The following GSR variants were observed in gnomAD, a reference collection of about 807,000 sequenced individuals.
The protein encoded by GSR is glutathione-disulfide reductase.
A neutral mutation model predicts 56.5 loss-of-function variants in GSR; 48 were observed. The ratio of observed to expected loss-of-function variants is 0.85; its 90% confidence interval spans 0.67 to 1.08. The LOEUF (loss-of-function observed/expected upper bound fraction) is 1.08. GSR is among the 50% of genes least tolerant of loss of function. GSR has a pLI of 0.00. For missense variants in GSR, 694 were observed against 703.3 expected, an observed-to-expected ratio of 0.99 and a Z score of 0.15; for synonymous variants, 264 against 270.8, an observed-to-expected ratio of 0.97 and a Z score of 0.25.
intron 8 of GSR, among the ~76,000 whole-genome samples, chr8:30,690,202 G>T (rs1275567196): frequency 1.3e-5 from 2 of 149,966 alleles, no homozygotes; most frequent in African/African-American, 4.9e-5. Flanking sequence ...TTAAGAGACA[G>T]GGTCTTGCTC....
chr8:30,708,057 A>T lies in GSR; in HGVS notation c.492+15T>A. ...GAACAGCTCTTTCTCAAAGTTAAAA[A>T]CCCAGCATACACACCTTGGTGAGAT... On this transcript the variant is annotated intron_variant, in intron 4 of 12. Coordinates refer to ENST00000221130, the MANE Select transcript of GSR (RefSeq NM_000637.5). The T allele has an allele frequency of 6.3e-7, 1 of 1,592,914 alleles. No individual in the cohort carries two copies. Among genetic ancestry groups the T allele is most frequent in the Admixed American group, 1.7e-5 (1 of 59,960 alleles).
At chr8:30,694,591 C>T (rs963440486) in intron 7 of GSR, among the ~76,000 whole-genome samples, 2 of 151,740 alleles carry the variant, frequency 1.3e-5, no homozygotes, top group African/African-American at 4.8e-5. Flanking sequence ...GCCAGGAGTT[C>T]GAGACCAGCC....
chr8:30,679,336 G>T lies in GSR; in HGVS notation c.*184C>A. The T allele has an allele frequency of 1.6e-6, 1 of 635,120 alleles. No homozygotes were observed. The allele number at this position is 635,120 out of a possible 1,614,324, so 39.3% of individuals were successfully genotyped here. A position where few individuals can be genotyped will look rare whatever the true frequency, so the allele number is the denominator to read the frequency against. On this transcript the variant is annotated 3_prime_UTR_variant, in exon 13 of 13. Transcript: ENST00000221130. The stretch of plus-strand genomic sequence containing the variant: ...ATGTGATCAAATGAAAATCAATCCT[G>T]GATAACACTACAAATTTCTAACTCC...
At chr8:30,696,253 C>T in intron 7 of GSR, 127 bp downstream of exon 7, 2 of 762,514 alleles carry the variant, frequency 2.6e-6, no homozygotes, top group East Asian at 2.5e-5. Context: ...GATACAGCAC[C>T]ATATGAAACC....
intron 7 of GSR, 84 bp from the exon 8 acceptor site, chr8:30,693,139 G>C: frequency 1.2e-6 from 1 of 806,594 alleles, no homozygotes; most frequent in Non-Finnish European, 2.2e-6. Context: ...GGAAACTTCA[G>C]CATTATCTCT....
rs1368010155 is a variant in GSR, at chr8:30,679,558, G to A, written c.1531C>T (p.His511Tyr). 6.2e-7 allele frequency: 1 copy of A among 1,614,098 alleles called. No homozygotes were observed. Among genetic ancestry groups the A allele is most frequent in the Non-Finnish European group, 8.5e-7 (1 of 1,180,022 alleles). ...KADFDNTVAI[H>Y]PTSSEELVTL... ...ACCAGCTCTTCTGAAGAGGTAGGGT[G>A]AATGGCGACTGTGTTGTCAAAGTCT... The change falls in exon 13 of 13, where the codon CAC becomes TAC. Residue 511 changes from histidine to tyrosine, a missense_variant. By Grantham distance (83) the His-to-Tyr change is moderately conservative. Coordinates refer to ENST00000221130, the MANE Select transcript of GSR (RefSeq NM_000637.5).
At chr8:30,726,948 G>C (rs752768889) in intron 1 of GSR, 3 of 152,166 alleles carry the variant, frequency 2.0e-5, no homozygotes, top group Non-Finnish European at 4.4e-5. Context: ...CAAAGCCCAG[G>C]CTGCACTTCA....
At chr8:30,717,045 C>T (rs1804357275) in intron 1 of GSR, among the ~76,000 whole-genome samples, 1 of 152,124 alleles carries the variant, frequency 6.6e-6, no homozygotes, top group Admixed American at 6.6e-5. Context: ...CAAGACCAGC[C>T]TGACCAACAT....
chr8:30,700,887 G>C (rs1803714962), intron 5 of GSR, among the ~76,000 whole-genome samples: 1 of 152,108 alleles, frequency 6.6e-6, no homozygotes, highest in South Asian at 2.1e-4. Flanking sequence ...TTTGGATATA[G>C]GATAGCAGGT....
rs556820895 is a variant in GSR, at chr8:30,709,487, G to C, written c.422+327C>G. Among the ~76,000 whole-genome samples, 17 of 152,276 alleles carry C rather than the reference G, an allele frequency of 1.1e-4. No homozygotes were observed. In the South Asian group the frequency reaches 3.5e-3, roughly 32 times the overall value. Reference sequence around the variant, plus strand: ...TGATTCCACTTATATGAGTTCCCTAGAATTGGCAAATTCATAGAGACAGAA... The same window carrying C: ...TGATTCCACTTATATGAGTTCCCTACAATTGGCAAATTCATAGAGACAGAA... On this transcript the variant is annotated intron_variant, in intron 3 of 12. Transcript: ENST00000221130.
chr8:30,712,806 T>G (rs536541983), intron 1 of GSR, among the ~76,000 whole-genome samples: 1 of 152,302 alleles, frequency 6.6e-6, no homozygotes, highest in South Asian at 2.1e-4. Flanking sequence ...GTACAGAAAC[T>G]TGAGAAAACC....
intron 10 of GSR, among the ~76,000 whole-genome samples, chr8:30,683,506 G>A (rs1262028067): frequency 1.3e-5 from 2 of 152,064 alleles, no homozygotes; most frequent in African/African-American, 4.8e-5. Context: ...ATACAAGAAT[G>A]ACAATCTAGG....
intron 10 of GSR, 35 bp from the exon 11 acceptor site, chr8:30,682,096 C>T (rs1465973129): frequency 1.3e-6 from 2 of 1,592,526 alleles, no homozygotes; most frequent in Non-Finnish European, 1.7e-6. Context: ...GTTTATCTTA[C>T]TGTCTGTTTT....
chr8:30,705,635 G>A (rs1406353657), intron 4 of GSR, among the ~76,000 whole-genome samples: 1 of 152,164 alleles, frequency 6.6e-6, no homozygotes, highest in Admixed American at 6.6e-5. Flanking sequence ...AGGGGGCTGA[G>A]GTGGGAGGAT....
chr8:30,706,699 G>C (rs1586056541), intron 4 of GSR, among the ~76,000 whole-genome samples: 1 of 152,288 alleles, frequency 6.6e-6, no homozygotes, highest in Admixed American at 6.5e-5. Context: ...TGGGGGAAAA[G>C]CATCAGGATA....
rs374468714 is a variant in GSR, at chr8:30,709,882, G to A, written c.354C>T (p.Val118=). 8.6e-5 allele frequency: 133 copies of A among 1,544,746 alleles called. No individual in the cohort carries two copies. Among genetic ancestry groups the A allele is most frequent in the Non-Finnish European group, 1.1e-4 (128 of 1,123,202 alleles). ...VPKKVMWNTA[V]HSEFMHDHAD... ...CATGATCATGCATGAATTCAGAGTG[G>A]ACAGCTGTGTTCCACATTACCTGTA... Residue 118 remains valine, a synonymous_variant, in exon 3 of 13, where the codon GTC becomes GTT. Transcript: ENST00000221130.
intron 7 of GSR, among the ~76,000 whole-genome samples, chr8:30,694,814 G>A (rs1308076068): frequency 6.7e-6 from 1 of 148,222 alleles, no homozygotes; most frequent in Non-Finnish European, 1.5e-5. Flanking sequence ...TGGGAAGATC[G>A]CTTGAGCCCA....
intron 1 of GSR, chr8:30,727,157 C>G (rs1804755087): frequency 9.3e-6 from 2 of 214,160 alleles, no homozygotes; most frequent in Non-Finnish European, 1.8e-5. Flanking sequence ...ACCCTCGTCC[C>G]TACACACAGG....
At chr8:30,719,430 T>C (rs1364443065) in intron 1 of GSR, among the ~76,000 whole-genome samples, 1 of 151,978 alleles carries the variant, frequency 6.6e-6, no homozygotes, top group African/African-American at 2.4e-5. Flanking sequence ...TTTGAATTTT[T>C]AGGAGAGATG....
Sources: allele counts gnomAD v4.1 joint callset (sites outside exome capture counted in the v4.1 genomes callset), GRCh38; gene constraint gnomAD v4.1.1; transcripts MANE v1.5; gene names NCBI Gene and HGNC (gene_info 2026-07-23, HGNC 2026-07-21).